ITGAM: variants seen among roughly 807,000 people sequenced by gnomAD.
ITGAM encodes the protein integrin alpha-M.
Under a neutral mutation model 137.5 loss-of-function variants are expected in ITGAM, and 79 were observed. The observed-to-expected ratio is 0.57, with a 90% CI of 0.48 to 0.69. The LOEUF is 0.69. Among genes scored for constraint, ITGAM ranks in the 30% least tolerant of loss-of-function variants. The pLI is 0.00. For synonymous variants in ITGAM, 583 were observed against 592.3 expected (o/e 0.98, Z 0.23); for missense variants, 1,343 against 1,483.5 (o/e 0.91, Z 1.56).
chr16:31,294,582 C>T (rs1203408046), intron 12 of ITGAM, among the ~76,000 whole-genome samples: 1 of 152,088 alleles, frequency 6.6e-6, no homozygotes, highest in African/African-American at 2.4e-5. Flanking sequence ...GGAATGAAGC[C>T]TACCTGATCA....
chr16:31,265,362 C>G (rs372156168), intron 2 of ITGAM, 33 bp from the exon 3 acceptor site: 3 of 1,317,376 alleles, frequency 2.3e-6, no homozygotes, highest in African/African-American at 3.0e-5. Flanking sequence ...CCCCACATGT[C>G]GAAGTTTTCT....
At chr16:31,290,080 CA>C (rs780127045) in intron 12 of ITGAM, among the ~76,000 whole-genome samples, 2,787 of 56,118 alleles carry the variant, frequency 0.05, 61 homozygotes, top group African/African-American at 0.12. Context: ...AAACTCCATC[CA>C]AAAAAAAAAA....
Position 31,331,977 on chromosome 16 carries a change from G to T in ITGAM, c.*270G>T. 2.0e-6 allele frequency: 1 copy of T among 512,116 alleles called. No individual in the cohort carries two copies. The highest frequency in any genetic ancestry group is 2.5e-5 in the South Asian group (1 of 40,246). 31.7% of individuals were successfully genotyped at this position (512,116 alleles called of 1,614,324 possible). Reference sequence around the variant, plus strand: ...TGTGAGTGTGTCCAAGTGTGTGTGCGTGTGTCCATGTGTGTGCAAGTGTGT... The same window carrying T: ...TGTGAGTGTGTCCAAGTGTGTGTGCTTGTGTCCATGTGTGTGCAAGTGTGT... On this transcript the variant is annotated 3_prime_UTR_variant, in exon 30 of 30. Coordinates refer to ENST00000544665, the MANE Select transcript of ITGAM (RefSeq NM_000632.4).
rs1170366076 is a variant in ITGAM, at chr16:31,325,633, C to T, written c.2628+11C>T. 11 of 1,610,922 alleles carry T rather than the reference C, an allele frequency of 6.8e-6. No individual in the cohort carries two copies. The highest frequency in any genetic ancestry group is 1.1e-5 in the South Asian group (1 of 90,408). On this transcript the variant is annotated intron_variant, in intron 21 of 29. Coordinates refer to ENST00000544665, the MANE Select transcript of ITGAM (RefSeq NM_000632.4). The stretch of plus-strand genomic sequence containing the variant: ...CCGGAAAACTCAGAGGTCAGAACTC[C>T]TGGCTCCTCCCCTCCTTTTCTCTTT...
intron 14 of ITGAM, among the ~76,000 whole-genome samples, chr16:31,300,273 T>A (rs892650476): frequency 2.0e-5 from 3 of 152,168 alleles, no homozygotes; most frequent in Non-Finnish European, 4.4e-5. Context: ...AAGATCATAA[T>A]CCCCATTCCT....
chr16:31,265,504 T>C lies in ITGAM; in HGVS notation c.238+6T>C. On this transcript the variant is annotated splice_donor_region_variant and intron_variant, in intron 3 of 29. Coordinates refer to ENST00000544665, the MANE Select transcript of ITGAM (RefSeq NM_000632.4). ...CGAGCCCATCCGCCTGCAGGGTGAG[T>C]CACTGCCCCGCCGGGCTGGGACTGG... The C allele has an allele frequency of 6.4e-7, 1 of 1,570,446 alleles. No homozygotes were observed. Among genetic ancestry groups the C allele is most frequent in the Non-Finnish European group, 8.7e-7 (1 of 1,152,300 alleles).
At chr16:31,298,204 C>CAAAAAAAAAA (rs61202942) in intron 14 of ITGAM, among the ~76,000 whole-genome samples, 1 of 77,828 alleles carries the variant, frequency 1.3e-5, no homozygotes. Flanking sequence ...CCCATCTCTC[C>CAAAAAAAAAA]AAAAAAAAAA....
At position 31,321,270 on chromosome 16, in the gene ITGAM, G is replaced by A; in HGVS notation, c.1737G>A (p.Arg579=). The change falls in exon 15 of 30, where the codon AGG becomes AGA. Residue 579 remains arginine (R), a synonymous_variant. Coordinates refer to ENST00000544665, the MANE Select transcript of ITGAM (RefSeq NM_000632.4). ...QRIAGSKLSP[R]LQYFGQSLSG... is the part of the protein sequence containing the mutation. ...TAGCAGGCTCCAAGCTCTCTCCCAG[G>A]CTCCAGTATTTTGGTCAGTCACTGA... 1.2e-6 allele frequency: 2 copies of A among 1,613,936 alleles called. No individual in the cohort carries two copies. Among genetic ancestry groups the A allele is most frequent in the Non-Finnish European group, 8.5e-7 (1 of 1,179,880 alleles).
chr16:31,299,846 T>C (rs1317052421), intron 14 of ITGAM, among the ~76,000 whole-genome samples: 4 of 118,126 alleles, frequency 3.4e-5, no homozygotes, highest in African/African-American at 1.3e-4. Context: ...CGTCCTCCTC[T>C]CCTCCTCCTC....
chr16:31,261,257 C>T (rs955494645), intron 1 of ITGAM, among the ~76,000 whole-genome samples: 19 of 145,068 alleles, frequency 1.3e-4, no homozygotes, highest in Admixed American at 1.0e-3. Flanking sequence ...GGCTGTAGTG[C>T]AGTGGCATGA....
chr16:31,280,017 T>A (rs2079950921), intron 12 of ITGAM, among the ~76,000 whole-genome samples: 1 of 137,618 alleles, frequency 7.3e-6, no homozygotes, highest in Non-Finnish European at 1.5e-5. Context: ...TTTCTTGTTT[T>A]TTCAGGTTTG....
chr16:31,325,763 CT>C, intron 21 of ITGAM, 141 bp downstream of exon 21: 1 of 1,047,712 alleles, frequency 9.5e-7, no homozygotes, highest in Non-Finnish European at 1.3e-6. Flanking sequence ...TCCAATTCAC[CT>C]ATTTAAAGCA....
intron 14 of ITGAM, among the ~76,000 whole-genome samples, chr16:31,302,604 G>C (rs895040067): frequency 6.6e-6 from 1 of 150,934 alleles, no homozygotes; most frequent in South Asian, 2.1e-4. Flanking sequence ...GAGTGAGCTC[G>C]GCTCACTGCA....
At chr16:31,277,267 A>C (rs780480454) in intron 11 of ITGAM, among the ~76,000 whole-genome samples, 7 of 151,818 alleles carry the variant, frequency 4.6e-5, no homozygotes, top group Non-Finnish European at 1.0e-4. Context: ...CACTCGGCTC[A>C]CTACAACCTC....
intron 11 of ITGAM, 146 bp downstream of exon 11, chr16:31,277,195 A>C (rs2079916802): frequency 4.1e-6 from 3 of 723,840 alleles, no homozygotes; most frequent in Non-Finnish European, 6.1e-6. Flanking sequence ...TAAAGACAGA[A>C]ACTTCAATTT....
chr16:31,264,784 T>G (rs993375160), intron 2 of ITGAM, among the ~76,000 whole-genome samples: 1 of 152,212 alleles, frequency 6.6e-6, no homozygotes, highest in African/African-American at 2.4e-5. Context: ...CAAATGATGC[T>G]CCTGCCTCAA....
intron 8 of ITGAM, among the ~76,000 whole-genome samples, chr16:31,274,152 A>C (rs2079881318): frequency 1.3e-5 from 2 of 152,238 alleles, no homozygotes; most frequent in Non-Finnish European, 1.5e-5. Context: ...GGAATTCCCA[A>C]GGAGGCAGTT....
At chr16:31,299,795 C>A (rs1597011209) in intron 14 of ITGAM, among the ~76,000 whole-genome samples, 1 of 141,894 alleles carries the variant, frequency 7.0e-6, no homozygotes, top group East Asian at 2.0e-4. Flanking sequence ...CCTCCCCCTC[C>A]TCCTCCTCTT....
In ITGAM at chr16:31,297,646, C is replaced by A. The variant is rs934673289; in HGVS notation, c.1489C>A (p.Pro497Thr). The A allele has an allele frequency of 3.1e-6, 5 of 1,612,428 alleles. No homozygotes were observed. The African/African-American group carries it at 5.3e-5, about 17-fold the overall frequency. The change falls in exon 13 of 30, where the codon CCC becomes ACC. Residue 497 changes from proline (P) to threonine (T), a missense_variant. Physicochemically the swap from Pro to Thr is conservative, Grantham distance 38 (BLOSUM62 -1). Transcript: ENST00000544665. ...RGGQVSVCPL[P>T]RGRARWQCDA... ...GGGCCAGGTGTCCGTGTGCCCCTTG[C>A]CCAGGGGGGTGAGTGGCAATGGGAC...
Sources: gnomAD v4.1 joint callset for allele counts (sites outside exome capture counted in the v4.1 genomes callset) on GRCh38, gnomAD v4.1.1 for gene constraint, MANE v1.5 for transcripts, NCBI Gene and HGNC (gene_info 2026-07-23, HGNC 2026-07-21) for gene names.